The following SLC25A42 variants were observed in gnomAD, a reference collection of about 807,000 sequenced individuals.
SLC25A42 encodes the protein solute carrier family 25 member 42.
A neutral mutation model predicts 34.7 loss-of-function variants in SLC25A42; 19 were observed. That is an observed-to-expected ratio of 0.55 (90% CI 0.38 to 0.80). SLC25A42 has a LOEUF of 0.80. Ranked by LOEUF, SLC25A42 falls within the 30% of genes least tolerant of loss-of-function variation. SLC25A42 has a pLI of 0.00. For missense variants in SLC25A42, 364 were observed against 441.3 expected (o/e 0.82, Z 1.57); for synonymous variants, 205 against 191.2 (o/e 1.07, Z -0.59).
At chr19:19,093,667 G>C (rs1313603115) in intron 1 of SLC25A42, among the ~76,000 whole-genome samples, 1 of 152,018 alleles carries the variant, frequency 6.6e-6, no homozygotes, top group Non-Finnish European at 1.5e-5. Flanking sequence ...CCTCCGGTGG[G>C]ATGTGTCTGG....
Position 19,111,014 on chromosome 19 carries a change from G to C in SLC25A42, c.*138G>C. 1 of 976,912 alleles carries C rather than the reference G, an allele frequency of 1.0e-6. No individual in the cohort carries two copies. The highest frequency in any genetic ancestry group is 2.6e-5 in the East Asian group (1 of 37,742). 60.5% of individuals were successfully genotyped at this position (976,912 alleles called of 1,614,324 possible). A position where few individuals can be genotyped will look rare whatever the true frequency, so the allele number is the denominator to read the frequency against. ...TATGGAACGAGCAGGTGGGCCTGAGGGGCCTGGGCTCAGAGTCCACGTCCA... is the reference window on the plus strand; with the variant it reads ...TATGGAACGAGCAGGTGGGCCTGAGCGGCCTGGGCTCAGAGTCCACGTCCA... On this transcript the variant is annotated 3_prime_UTR_variant, in exon 8 of 8. Coordinates refer to ENST00000318596, the MANE Select transcript of SLC25A42 (RefSeq NM_178526.5).
chr19:19,107,977 T>G lies in SLC25A42; in HGVS notation c.581T>G (p.Val194Gly). 1.2e-6 allele frequency: 2 copies of G among 1,613,508 alleles called. No individual in the cohort carries two copies. Among genetic ancestry groups the G allele is most frequent in the Non-Finnish European group, 1.7e-6 (2 of 1,179,672 alleles). Residue 194 changes from valine to glycine, a missense_variant, in exon 7 of 8, where the codon GTG (valine) becomes GGG (glycine). By Grantham distance (109) the Val-to-Gly change is moderately radical. Coordinates refer to ENST00000318596, the MANE Select transcript of SLC25A42 (RefSeq NM_178526.5). ...CTCTACCATGGATTTATGCCCACCG[T>G]GCTGGGGGTCATTCCCTACGCTGGC... The part of the protein sequence containing the change: ...KTLYHGFMPT[V>G]LGVIPYAGLS...
Position 19,110,841 on chromosome 19 carries a change from C to G in SLC25A42, c.922C>G (p.Leu308Val). ...AVGISFTTFD[L>V]MQILLRHLQS ...GGGCATCAGCTTCACCACCTTCGAC[C>G]TCATGCAGATCCTGCTGCGGCACCT... is the stretch of plus-strand genomic sequence containing the variant. The change falls in exon 8 of 8, where the codon CTC (leucine) becomes GTC (valine). Residue 308 changes from leucine (L) to valine (V), a missense_variant. By Grantham distance (32) the Leu-to-Val change is conservative. Coordinates refer to ENST00000318596, the MANE Select transcript of SLC25A42 (RefSeq NM_178526.5). 3 of 1,613,994 alleles carry G rather than the reference C, an allele frequency of 1.9e-6. No individual in the cohort carries two copies.
In SLC25A42 at chr19:19,096,188, T is replaced by G; in HGVS notation, c.64T>G (p.Ser22Ala). The G allele has an allele frequency of 6.2e-7, 1 of 1,613,654 alleles. No homozygotes were observed. The highest frequency in any genetic ancestry group is 8.5e-7 in the Non-Finnish European group (1 of 1,179,698). The part of the protein sequence containing the change: ...LHEDAEAVLS[S>A]SVSSKRDHRQ... ...TGAGGATGCTGAGGCTGTCCTGTCC[T>G]CGTCCGTCTCATCAAAGGCAAGTAC... Residue 22 changes from serine (S) to alanine (A), a missense_variant, in exon 2 of 8, where the codon TCG becomes GCG. By Grantham distance (99) the Ser-to-Ala change is moderately conservative (BLOSUM62 1). Coordinates refer to ENST00000318596, the MANE Select transcript of SLC25A42 (RefSeq NM_178526.5).
chr19:19,065,624 A>G (rs1313460326), intron 1 of SLC25A42, among the ~76,000 whole-genome samples: 2 of 152,134 alleles, frequency 1.3e-5, no homozygotes, highest in Non-Finnish European at 2.9e-5. Context: ...TGTCACCTTC[A>G]GCTTCTCCTG....
chr19:19,091,977 G>A (rs1054602160), intron 1 of SLC25A42, among the ~76,000 whole-genome samples: 1 of 152,180 alleles, frequency 6.6e-6, no homozygotes, highest in African/African-American at 2.4e-5. Context: ...AGACAGGGAG[G>A]GTGGCGGGTG....
chr19:19,083,691 C>T (rs1347676899), intron 1 of SLC25A42, among the ~76,000 whole-genome samples: 1 of 152,086 alleles, frequency 6.6e-6, no homozygotes, highest in Non-Finnish European at 1.5e-5. Context: ...AGGGAAGTCA[C>T]AGGAGCAGTG....
In SLC25A42 at chr19:19,105,717, T is replaced by G. The variant is rs1226313827; in HGVS notation, c.370T>G (p.Phe124Val). Residue 124 changes from phenylalanine to valine, a missense_variant, in exon 5 of 8, where the codon TTC becomes GTC. Phe to Val is a conservative substitution (Grantham distance 50). Coordinates refer to ENST00000318596, the MANE Select transcript of SLC25A42 (RefSeq NM_178526.5). ...YKRILGSYYGFRGEALPPWPR... is the reference protein window; with the variant it reads ...YKRILGSYYGVRGEALPPWPR... ...GCGCATCCTGGGCAGCTACTATGGC[T>G]TCCGTGGAGAGTGAGGCCCCGCCCC... 2 of 1,581,788 alleles carry G rather than the reference T, an allele frequency of 1.3e-6. No individual in the cohort carries two copies. The highest frequency in any genetic ancestry group is 1.8e-5 in the Admixed American group (1 of 56,478).
At chr19:19,067,483 C>A (rs1380818848) in intron 1 of SLC25A42, among the ~76,000 whole-genome samples, 1 of 151,744 alleles carries the variant, frequency 6.6e-6, no homozygotes, top group Non-Finnish European at 1.5e-5. Context: ...AGTTGGGAGG[C>A]TAAGGTGGAG....
intron 4 of SLC25A42, 146 bp downstream of exon 4, chr19:19,105,084 GC>G: frequency 3.0e-6 from 3 of 996,330 alleles, no homozygotes; most frequent in Non-Finnish European, 4.6e-6. Context: ...CCTGGACACA[GC>G]CCAGCCTGGG....
intron 1 of SLC25A42, among the ~76,000 whole-genome samples, chr19:19,074,253 C>T (rs547312243): frequency 7.2e-5 from 11 of 152,312 alleles, no homozygotes; most frequent in African/African-American, 2.4e-4. Context: ...GTCTGAAAGG[C>T]ACACAGGAGC....
At chr19:19,097,830 G>A (rs1164839363) in intron 2 of SLC25A42, among the ~76,000 whole-genome samples, 1 of 152,102 alleles carries the variant, frequency 6.6e-6, no homozygotes, top group Non-Finnish European at 1.5e-5. Context: ...AGGCGTGGTG[G>A]CACGCACCTG....
At chr19:19,108,396 C>CA (rs888452239) in intron 7 of SLC25A42, among the ~76,000 whole-genome samples, 2 of 151,926 alleles carry the variant, frequency 1.3e-5, no homozygotes, top group East Asian at 3.9e-4. Context: ...ACCAAAGATA[C>CA]AAAAAAATTA....
chr19:19,086,385 C>T (rs765815955), intron 1 of SLC25A42, among the ~76,000 whole-genome samples: 1 of 152,082 alleles, frequency 6.6e-6, no homozygotes, highest in Non-Finnish European at 1.5e-5. Context: ...CCACCTGCCT[C>T]GGCATCCCAA....
chr19:19,098,022 A>G (rs1332584720), intron 2 of SLC25A42, among the ~76,000 whole-genome samples: 6 of 151,494 alleles, frequency 4.0e-5, no homozygotes, highest in African/African-American at 1.5e-4. Context: ...CATGCATCCC[A>G]TCTGGGATTG....
intron 7 of SLC25A42, among the ~76,000 whole-genome samples, chr19:19,110,264 A>G (rs529889353): frequency 6.6e-6 from 1 of 151,528 alleles, no homozygotes; most frequent in Non-Finnish European, 1.5e-5. Flanking sequence ...AATTGCTTGA[A>G]CCCGGGAGGC....
At chr19:19,079,946 T>G (rs2059672860) in intron 1 of SLC25A42, among the ~76,000 whole-genome samples, 1 of 152,210 alleles carries the variant, frequency 6.6e-6, no homozygotes, top group South Asian at 2.1e-4. Flanking sequence ...AGTATCTCCC[T>G]GTGTAACTTG....
At position 19,110,765 on chromosome 19, in the gene SLC25A42, C is replaced by A. The variant is rs1244273133; in HGVS notation, c.846C>A (p.Arg282=). 1.2e-6 allele frequency: 2 copies of A among 1,613,220 alleles called. No homozygotes were observed. The highest frequency in any genetic ancestry group is 1.7e-6 in the Non-Finnish European group (2 of 1,179,902). The part of the protein sequence containing the change: ...RTIVREEGAV[R]GLYKGLSMNW... ...TCGTGCGGGAGGAGGGCGCCGTGCGCGGCCTCTACAAAGGCTTGAGCATGA... is the reference window on the plus strand; with the variant it reads ...TCGTGCGGGAGGAGGGCGCCGTGCGAGGCCTCTACAAAGGCTTGAGCATGA... The change falls in exon 8 of 8, where the codon CGC becomes CGA. Residue 282 remains arginine (R), a synonymous_variant. Transcript: ENST00000318596.
intron 1 of SLC25A42, among the ~76,000 whole-genome samples, chr19:19,091,488 T>C (rs1470577628): frequency 6.6e-6 from 1 of 151,466 alleles, no homozygotes; most frequent in Non-Finnish European, 1.5e-5. Flanking sequence ...TAAAAATAAA[T>C]AAAGGGTAGT....
Sources: allele counts gnomAD v4.1 joint callset (sites outside exome capture counted in the v4.1 genomes callset), GRCh38; gene constraint gnomAD v4.1.1; transcripts MANE v1.5; gene names NCBI Gene and HGNC (gene_info 2026-07-23, HGNC 2026-07-21).